Variants in FHIT observed in about 807,000 individuals in gnomAD.
FHIT encodes the protein bis(5'-adenosyl)-triphosphatase.
A neutral mutation model predicts 17.9 loss-of-function variants in FHIT; 19 were observed. That is an observed-to-expected ratio of 1.06 (90% confidence interval 0.74 to 1.56). The LOEUF is 1.56. Among genes scored for constraint, FHIT ranks in the 40% most tolerant of loss-of-function variants. The pLI is 0.00. For missense variants in FHIT, 248 were observed against 189.2 expected, an observed-to-expected ratio of 1.31 and a Z score of -1.82; for synonymous variants, 81 against 69.7, an observed-to-expected ratio of 1.16 and a Z score of -0.81.
chr3:60,178,963 T>C (rs56008509), intron 5 of FHIT, among the ~76,000 whole-genome samples: 31,276 of 152,084 alleles, frequency 0.21, 3,651 homozygotes, highest in East Asian at 0.33. Context: ...CCATCTCATA[T>C]TCAGAGCCCT....
In FHIT at chr3:60,656,981, C is replaced by CAAA. The variant is rs35443634; in HGVS notation, c.-17-120005_-17-120003dup. On this transcript the variant is annotated intron_variant, in intron 4 of 9. Transcript: ENST00000492590. The stretch of plus-strand genomic sequence containing the variant: ...GAAAGGGAATTTTTTTATGTCCACA[C>CAAA]AAAAAAAAACATCCAGGACAAATAA... Among the ~76,000 whole-genome samples the CAAA allele has an allele frequency of 4.0e-3, 605 of 149,580 alleles. 5 individuals are homozygous for CAAA. The highest frequency in any genetic ancestry group is 0.025 in the East Asian group (128 of 5,114).
rs1699821430 is a variant in FHIT at position 60,003,856 on chromosome 3, TA to T, written c.279+7514del. Among the ~76,000 whole-genome samples, 7 of 116,396 alleles carry T rather than the reference TA, an allele frequency of 6.0e-5. No individual in the cohort carries two copies. In the South Asian group the frequency reaches 2.0e-3, roughly 34 times the overall value. The allele number at this position is 116,396 out of a possible 152,430, so 76.4% of individuals were successfully genotyped here. A position where few individuals can be genotyped will look rare whatever the true frequency, so the allele number is the denominator to read the frequency against. ...ATGATTAATTGGGCTGCATTTATTT[TA>T]CTTTTTTTTTTTTTTTTAACAGAAT... is the stretch of plus-strand genomic sequence containing the variant. On this transcript the variant is annotated intron_variant, in intron 7 of 9. Transcript: ENST00000492590.
intron 8 of FHIT, among the ~76,000 whole-genome samples, chr3:59,832,018 C>T (rs2106707628): frequency 6.6e-6 from 1 of 152,148 alleles, no homozygotes; most frequent in South Asian, 2.1e-4. Context: ...AACATGTTAT[C>T]CCTGCACCTG....
At chr3:60,616,964 T>G in intron 4 of FHIT, 1 of 157,774 alleles carries the variant, frequency 6.3e-6, no homozygotes, top group Middle Eastern at 7.2e-4. Flanking sequence ...TCACTTAGGC[T>G]TTTTGGTGTG....
intron 4 of FHIT, among the ~76,000 whole-genome samples, chr3:60,701,627 T>C (rs1423221654): frequency 6.6e-6 from 1 of 151,960 alleles, no homozygotes; most frequent in Non-Finnish European, 1.5e-5. Context: ...ATCTATGGAG[T>C]GTAGGGTCTA....
chr3:59,883,051 G>A (rs779242336), intron 8 of FHIT, among the ~76,000 whole-genome samples: 1 of 152,140 alleles, frequency 6.6e-6, no homozygotes, highest in Non-Finnish European at 1.5e-5. Flanking sequence ...ATATAAGGAG[G>A]ATATAAGCAG....
At chr3:60,490,706 C>A (rs1013311683) in intron 5 of FHIT, among the ~76,000 whole-genome samples, 7 of 151,210 alleles carry the variant, frequency 4.6e-5, no homozygotes, top group African/African-American at 1.7e-4. Flanking sequence ...TTCAGTTTCA[C>A]GTCTTCTGTC....
At chr3:59,795,899 T>C (rs1035180655) in intron 8 of FHIT, among the ~76,000 whole-genome samples, 2 of 152,212 alleles carry the variant, frequency 1.3e-5, no homozygotes, top group Non-Finnish European at 2.9e-5. Flanking sequence ...CGGGAAGTCC[T>C]GTGCTGCTCA....
At chr3:59,914,865 T>C (rs1017400307) in intron 8 of FHIT, among the ~76,000 whole-genome samples, 16 of 152,130 alleles carry the variant, frequency 1.1e-4, no homozygotes, top group African/African-American at 3.4e-4. Context: ...CTAAGTAAAA[T>C]AGATTTGGAA....
intron 5 of FHIT, among the ~76,000 whole-genome samples, chr3:60,213,969 C>G (rs995985619): frequency 6.6e-6 from 1 of 152,086 alleles, no homozygotes; most frequent in Non-Finnish European, 1.5e-5. Flanking sequence ...TGGGATGGTT[C>G]AGGTAGCCTA....
intron 3 of FHIT, among the ~76,000 whole-genome samples, chr3:60,941,057 C>T (rs927919629): frequency 1.3e-5 from 2 of 152,052 alleles, no homozygotes; most frequent in African/African-American, 4.8e-5. Context: ...GATCCACAAC[C>T]TTATTTCAAT....
At position 59,874,769 on chromosome 3, in the gene FHIT, C is replaced by A. The variant is rs114347462; in HGVS notation, c.348+47577G>T. Among the ~76,000 whole-genome samples, 323 of 152,198 alleles carry A rather than the reference C, an allele frequency of 2.1e-3. 1 individual carries two copies. The highest frequency in any genetic ancestry group is 7.2e-3 in the African/African-American group (297 of 41,524). ...TAGGCACTAGGGATGCAGCAAGAAC[C>A]AGACAGACCTTGCCTCCTGCTGTTT... On this transcript the variant is annotated intron_variant, in intron 8 of 9. Transcript: ENST00000492590.
intron 5 of FHIT, among the ~76,000 whole-genome samples, chr3:60,291,422 T>C (rs1707978461): frequency 6.6e-6 from 1 of 152,108 alleles, no homozygotes; most frequent in Admixed American, 6.6e-5. Context: ...AGCTGTGCCA[T>C]GTTGCCCGTT....
chr3:60,693,598 T>C (rs1296833334), intron 4 of FHIT, among the ~76,000 whole-genome samples: 1 of 152,200 alleles, frequency 6.6e-6, no homozygotes, highest in Non-Finnish European at 1.5e-5. Context: ...GAGTAGACTA[T>C]ACTTTTCTAA....
chr3:61,190,203 TG>T (rs2038669313), intron 2 of FHIT, among the ~76,000 whole-genome samples: 1 of 152,160 alleles, frequency 6.6e-6, no homozygotes, highest in Non-Finnish European at 1.5e-5. Flanking sequence ...AGGGCTAATA[TG>T]CCAAATCTAC....
chr3:60,232,304 G>A (rs1704537235), intron 5 of FHIT, among the ~76,000 whole-genome samples: 1 of 152,146 alleles, frequency 6.6e-6, no homozygotes, highest in African/African-American at 2.4e-5. Flanking sequence ...AGCAATCTCA[G>A]TGAAAGGCTT....
At chr3:60,160,394 A>C (rs938598036) in intron 5 of FHIT, among the ~76,000 whole-genome samples, 1 of 152,150 alleles carries the variant, frequency 6.6e-6, no homozygotes, top group African/African-American at 2.4e-5. Context: ...ATGAGCCACC[A>C]CATTTTCCAT....
intron 4 of FHIT, among the ~76,000 whole-genome samples, chr3:60,756,953 T>C (rs1699447683): frequency 6.6e-6 from 1 of 152,138 alleles, no homozygotes; most frequent in African/African-American, 2.4e-5. Flanking sequence ...AAGGGCATTG[T>C]TCATTTGTTA....
intron 1 of FHIT, among the ~76,000 whole-genome samples, chr3:61,236,982 A>G (rs1030596088): frequency 6.6e-6 from 1 of 152,174 alleles, no homozygotes; most frequent in African/African-American, 2.4e-5. Flanking sequence ...AATAGAATTA[A>G]AGATCAATGG....
Sources: gnomAD v4.1 joint callset for allele counts (sites outside exome capture counted in the v4.1 genomes callset) on GRCh38, gnomAD v4.1.1 for gene constraint, MANE v1.5 for transcripts, NCBI Gene and HGNC (gene_info 2026-07-23, HGNC 2026-07-21) for gene names.